SPOCK3: variants seen among roughly 807,000 people sequenced by gnomAD.
SPOCK3 encodes testican-3.
Under a neutral mutation model 56.6 loss-of-function variants are expected in SPOCK3, and 30 were observed. That is an observed-to-expected ratio of 0.53 (90% CI 0.40 to 0.72). SPOCK3 has a LOEUF of 0.72. Among genes scored for constraint, SPOCK3 ranks in the 30% least tolerant of loss-of-function variants. The probability of loss-of-function intolerance (pLI) is 0.00; values close to 1 mark genes in which losing one functional copy is unlikely to be tolerated. For synonymous variants in SPOCK3, 196 were observed against 183.3 expected (o/e 1.07, Z -0.56); for missense variants, 527 against 530.0 (o/e 0.99, Z 0.06).
At chr4:166,811,025 T>G (rs1282232031) in intron 6 of SPOCK3, among the ~76,000 whole-genome samples, 1 of 151,924 alleles carries the variant, frequency 6.6e-6, no homozygotes, top group Non-Finnish European at 1.5e-5. Flanking sequence ...CATATTCAAA[T>G]GTATTGACCA....
chr4:166,826,474 C>T (rs1192701335), intron 6 of SPOCK3, among the ~76,000 whole-genome samples: 1 of 151,984 alleles, frequency 6.6e-6, no homozygotes, highest in African/African-American at 2.4e-5. Flanking sequence ...ATTCAAATAA[C>T]AAGAAAGAGC....
intron 4 of SPOCK3, among the ~76,000 whole-genome samples, chr4:166,961,553 GA>G (rs375687217): frequency 0.067 from 9,499 of 141,504 alleles, 940 homozygotes; most frequent in African/African-American, 0.23. Flanking sequence ...AAGAAAAATT[GA>G]AAAAAAAAAA....
At chr4:166,971,375 C>T (rs1036676525) in intron 4 of SPOCK3, among the ~76,000 whole-genome samples, 21 of 152,026 alleles carry the variant, frequency 1.4e-4, no homozygotes, top group African/African-American at 4.8e-4. Context: ...AGAAGGCAAA[C>T]ATGGGCAAAG....
At chr4:167,155,223 C>A (rs2150424889) in intron 2 of SPOCK3, among the ~76,000 whole-genome samples, 1 of 152,134 alleles carries the variant, frequency 6.6e-6, no homozygotes, top group South Asian at 2.1e-4. Flanking sequence ...TAAAGCAATT[C>A]TCTTGTCTTA....
intron 8 of SPOCK3, among the ~76,000 whole-genome samples, chr4:166,743,418 T>C (rs555652056): frequency 1.3e-5 from 2 of 150,800 alleles, no homozygotes; most frequent in Non-Finnish European, 3.0e-5. Flanking sequence ...TAGTTTAATA[T>C]GTGAACTTAA....
At chr4:167,074,484 C>A (rs1259498839) in intron 2 of SPOCK3, among the ~76,000 whole-genome samples, 2 of 151,938 alleles carry the variant, frequency 1.3e-5, no homozygotes, top group Non-Finnish European at 2.9e-5. Context: ...TGGCTCAGTT[C>A]AAGTTCCTTG....
chr4:166,785,460 T>C (rs1205460537), intron 7 of SPOCK3, among the ~76,000 whole-genome samples: 2 of 152,138 alleles, frequency 1.3e-5, no homozygotes, highest in Non-Finnish European at 2.9e-5. Flanking sequence ...GAATTCTTTA[T>C]GCAAATGCTA....
At chr4:167,015,408 A>G (rs1386343542) in intron 3 of SPOCK3, among the ~76,000 whole-genome samples, 4 of 152,170 alleles carry the variant, frequency 2.6e-5, no homozygotes, top group Non-Finnish European at 5.9e-5. Flanking sequence ...TAAACCTAAG[A>G]ATTATCTTTA....
chr4:167,109,922 G>T (rs1459773097), intron 2 of SPOCK3, among the ~76,000 whole-genome samples: 2 of 151,520 alleles, frequency 1.3e-5, no homozygotes, highest in Non-Finnish European at 2.9e-5. Context: ...CTCCTTTCTC[G>T]TCTTACTAGC....
At chr4:167,134,022 C>CTTTTTTT (rs34410893) in intron 2 of SPOCK3, among the ~76,000 whole-genome samples, 1,098 of 80,504 alleles carry the variant, frequency 0.014, no homozygotes, top group Middle Eastern at 0.039. Flanking sequence ...ACACCTTTTT[C>CTTTTTTT]TTTTTTTTTT....
chr4:167,168,156 C>T (rs1171680246), intron 2 of SPOCK3, among the ~76,000 whole-genome samples: 1 of 152,152 alleles, frequency 6.6e-6, no homozygotes, highest in Non-Finnish European at 1.5e-5. Flanking sequence ...ATTACCCAGT[C>T]TTGGGTATGC....
At chr4:166,843,319 G>A (rs926229998) in intron 6 of SPOCK3, among the ~76,000 whole-genome samples, 1 of 152,214 alleles carries the variant, frequency 6.6e-6, no homozygotes, top group Non-Finnish European at 1.5e-5. Flanking sequence ...GCGAGCGACG[G>A]CCACCAGCAC....
At chr4:166,857,165 A>C (rs1159921329) in intron 6 of SPOCK3, among the ~76,000 whole-genome samples, 1 of 152,196 alleles carries the variant, frequency 6.6e-6, no homozygotes, top group African/African-American at 2.4e-5. Flanking sequence ...TTAAAGTTTT[A>C]AGAATTTTAA....
chr4:167,046,787 CAATT>C (rs1199069915), intron 3 of SPOCK3, among the ~76,000 whole-genome samples: 1 of 151,812 alleles, frequency 6.6e-6, no homozygotes, highest in Non-Finnish European at 1.5e-5. Context: ...TTTTAAAACT[CAATT>C]TATTGTAAGA....
intron 2 of SPOCK3, among the ~76,000 whole-genome samples, chr4:167,197,865 C>T (rs1451734659): frequency 6.6e-6 from 1 of 152,114 alleles, no homozygotes; most frequent in Admixed American, 6.6e-5. Flanking sequence ...AAGGACAGAT[C>T]CAAACTGTGT....
chr4:166,981,699 T>A (rs188517774), intron 4 of SPOCK3, among the ~76,000 whole-genome samples: 67 of 152,322 alleles, frequency 4.4e-4, no homozygotes, highest in Non-Finnish European at 9.1e-4. Flanking sequence ...AGGTCATTCC[T>A]GGCTTGAAAG....
intron 7 of SPOCK3, among the ~76,000 whole-genome samples, chr4:166,768,315 A>G (rs1342352486): frequency 1.3e-5 from 2 of 152,162 alleles, no homozygotes; most frequent in African/African-American, 4.8e-5. Context: ...ATGTTTTTGC[A>G]GTGGCTGGTA....
chr4:167,226,186 G>A (rs936252306), intron 2 of SPOCK3, among the ~76,000 whole-genome samples: 1 of 152,078 alleles, frequency 6.6e-6, no homozygotes, highest in African/African-American at 2.4e-5. Context: ...AAACAGCATT[G>A]GTAAGTAGAT....
chr4:166,959,247 T>A (rs922345600), intron 4 of SPOCK3, among the ~76,000 whole-genome samples: 6 of 152,132 alleles, frequency 3.9e-5, no homozygotes, highest in Non-Finnish European at 7.4e-5. Flanking sequence ...AAATACAGCC[T>A]ATGACTTTTT....
Sources: allele counts gnomAD v4.1 joint callset (sites outside exome capture counted in the v4.1 genomes callset), GRCh38; gene constraint gnomAD v4.1.1; transcripts MANE v1.5; gene names NCBI Gene and HGNC (gene_info 2026-07-23, HGNC 2026-07-21).